ENTHD1: variants seen among roughly 807,000 people sequenced by gnomAD.
The protein encoded by ENTHD1 is ENTH domain containing 1, also known as ENTH domain-containing protein 1.
A neutral mutation model predicts 39.1 loss-of-function variants in ENTHD1; 23 were observed. The ratio of observed to expected loss-of-function variants is 0.59; its 90% CI spans 0.42 to 0.83. The LOEUF (loss-of-function observed/expected upper bound fraction) is 0.83, where lower values mean the gene tolerates loss of function less well. ENTHD1 is among the 40% of genes least tolerant of loss of function. ENTHD1 has a pLI of 0.00. For missense variants in ENTHD1, 624 were observed against 705.4 expected (o/e 0.88, Z 1.31); for synonymous variants, 230 against 258.2 (o/e 0.89, Z 1.05).
At chr22:39,825,391 A>G (rs920678464) in intron 4 of ENTHD1, among the ~76,000 whole-genome samples, 7 of 152,172 alleles carry the variant, frequency 4.6e-5, no homozygotes, top group Admixed American at 3.3e-4. Flanking sequence ...GAGAGATATT[A>G]GTCTGTAGTT....
At chr22:39,806,658 T>A (rs1355241751) in intron 5 of ENTHD1, among the ~76,000 whole-genome samples, 1 of 151,996 alleles carries the variant, frequency 6.6e-6, no homozygotes, top group Non-Finnish European at 1.5e-5. Context: ...AAAACTACAG[T>A]GGCTTTGGTT....
At chr22:39,763,058 C>G (rs1234929089) in intron 6 of ENTHD1, among the ~76,000 whole-genome samples, 4 of 152,092 alleles carry the variant, frequency 2.6e-5, no homozygotes, top group Non-Finnish European at 5.9e-5. Flanking sequence ...TCACTTTGCT[C>G]TAGGTGAAAT....
intron 5 of ENTHD1, among the ~76,000 whole-genome samples, chr22:39,791,846 T>C (rs2065506986): frequency 6.6e-6 from 1 of 152,110 alleles, no homozygotes; most frequent in African/African-American, 2.4e-5. Context: ...CTCAGTTTTT[T>C]TGTTTGTTTG....
chr22:39,845,274 G>T (rs759955946), intron 3 of ENTHD1, among the ~76,000 whole-genome samples: 2 of 152,132 alleles, frequency 1.3e-5, no homozygotes, highest in Admixed American at 1.3e-4. Context: ...TTTACAGAAG[G>T]TGAAATTACA....
intron 6 of ENTHD1, among the ~76,000 whole-genome samples, chr22:39,763,878 A>C (rs1157138982): frequency 6.6e-6 from 1 of 152,174 alleles, no homozygotes; most frequent in Non-Finnish European, 1.5e-5. Context: ...AAACGTATCA[A>C]CTTCCCAGCG....
At chr22:39,854,051 G>T (rs2066065400) in intron 3 of ENTHD1, among the ~76,000 whole-genome samples, 1 of 152,114 alleles carries the variant, frequency 6.6e-6, no homozygotes, top group Non-Finnish European at 1.5e-5. Flanking sequence ...CTGCTTCATT[G>T]TGGGGTGCAC....
chr22:39,844,479 G>A (rs900105908), intron 3 of ENTHD1, among the ~76,000 whole-genome samples: 2 of 152,100 alleles, frequency 1.3e-5, no homozygotes, highest in Admixed American at 6.6e-5. Context: ...ACAAAAGCAA[G>A]TTTTAATATT....
chr22:39,864,129 T>C (rs2146730008), intron 2 of ENTHD1, among the ~76,000 whole-genome samples: 1 of 152,354 alleles, frequency 6.6e-6, no homozygotes. Flanking sequence ...GAACAATATG[T>C]CAGACACTTA....
intron 6 of ENTHD1, among the ~76,000 whole-genome samples, chr22:39,764,594 C>T (rs1411655616): frequency 6.6e-6 from 1 of 151,822 alleles, no homozygotes; most frequent in Non-Finnish European, 1.5e-5. Flanking sequence ...TACTAGTAAA[C>T]TTTAAAGTAG....
At chr22:39,786,435 C>A (rs1222459273) in intron 5 of ENTHD1, among the ~76,000 whole-genome samples, 4 of 152,120 alleles carry the variant, frequency 2.6e-5, no homozygotes, top group African/African-American at 9.7e-5. Flanking sequence ...TTTTTACTTT[C>A]AAGTGCAGAG....
At chr22:39,832,610 G>A (rs920762867) in intron 4 of ENTHD1, among the ~76,000 whole-genome samples, 1 of 152,178 alleles carries the variant, frequency 6.6e-6, no homozygotes, top group Non-Finnish European at 1.5e-5. Flanking sequence ...CAGGAGTTAA[G>A]TAGATACTAT....
At chr22:39,801,833 T>A (rs754227174) in intron 5 of ENTHD1, among the ~76,000 whole-genome samples, 1 of 151,986 alleles carries the variant, frequency 6.6e-6, no homozygotes, top group African/African-American at 2.4e-5. Flanking sequence ...TAATGAAAGG[T>A]TCAGATTTCT....
chr22:39,808,851 T>C (rs1462228496), intron 5 of ENTHD1, among the ~76,000 whole-genome samples: 2 of 152,230 alleles, frequency 1.3e-5, no homozygotes, highest in African/African-American at 2.4e-5. Flanking sequence ...TTCATTCTTA[T>C]CAATGAAAGC....
chr22:39,785,903 T>G (rs1484319752), intron 5 of ENTHD1, among the ~76,000 whole-genome samples: 2 of 152,152 alleles, frequency 1.3e-5, no homozygotes, highest in African/African-American at 2.4e-5. Context: ...CAAAGACAAT[T>G]TCAAACCCTC....
intron 6 of ENTHD1, among the ~76,000 whole-genome samples, chr22:39,756,736 A>G (rs935409070): frequency 2.0e-5 from 3 of 152,324 alleles, no homozygotes; most frequent in East Asian, 1.9e-4. Flanking sequence ...ATATTATTCT[A>G]TTATTCAACC....
chr22:39,840,085 AAGT>A (rs1220387185), intron 3 of ENTHD1, among the ~76,000 whole-genome samples: 3 of 152,248 alleles, frequency 2.0e-5, no homozygotes, highest in African/African-American at 7.2e-5. Context: ...TTTCACAAGC[AAGT>A]AGGAGAGAAC....
At chr22:39,782,089 C>CACTA (rs2065414988) in intron 5 of ENTHD1, among the ~76,000 whole-genome samples, 1 of 152,138 alleles carries the variant, frequency 6.6e-6, no homozygotes, top group Non-Finnish European at 1.5e-5. Flanking sequence ...GAGTTCAAGA[C>CACTA]TAGTCTGGCC....
chr22:39,759,636 T>C (rs1444867948), intron 6 of ENTHD1, among the ~76,000 whole-genome samples: 3 of 152,036 alleles, frequency 2.0e-5, no homozygotes, highest in African/African-American at 7.2e-5. Flanking sequence ...TGTTCCTTTT[T>C]TCCAAGCATC....
intron 5 of ENTHD1, among the ~76,000 whole-genome samples, chr22:39,812,843 C>T (rs192336499): frequency 4.6e-4 from 70 of 152,256 alleles, no homozygotes; most frequent in African/African-American, 1.6e-3. Context: ...AGTGCAGTGG[C>T]ACAATCTCGG....
Sources: allele counts gnomAD v4.1 joint callset (sites outside exome capture counted in the v4.1 genomes callset), GRCh38; gene constraint gnomAD v4.1.1; transcripts MANE v1.5; gene names NCBI Gene and HGNC (gene_info 2026-07-23, HGNC 2026-07-21).